Variants in TRAPPC9 observed in about 807,000 individuals in gnomAD.
TRAPPC9 encodes IKK2 binding protein.
TRAPPC9 carries 83 observed loss-of-function variants against 124.0 expected under a neutral mutation model. The ratio of observed to expected loss-of-function variants is 0.67; its 90% CI spans 0.56 to 0.80. The LOEUF (loss-of-function observed/expected upper bound fraction) is 0.80. Ranked by LOEUF, TRAPPC9 falls within the 30% of genes least tolerant of loss-of-function variation. TRAPPC9 has a pLI of 0.00. For synonymous variants in TRAPPC9, 638 were observed against 617.5 expected, an observed-to-expected ratio of 1.03 and a Z score of -0.49; for missense variants, 1,302 against 1,508.3, an observed-to-expected ratio of 0.86 and a Z score of 2.27.
chr8:140,163,663 G>A (rs2061786638), intron 17 of TRAPPC9, among the ~76,000 whole-genome samples: 1 of 152,282 alleles, frequency 6.6e-6, no homozygotes, highest in African/African-American at 2.4e-5. Flanking sequence ...AGTTCAGCCT[G>A]ACTATACCTT....
intron 21 of TRAPPC9, among the ~76,000 whole-genome samples, chr8:139,856,897 C>G (rs1298967292): frequency 2.6e-5 from 4 of 152,158 alleles, no homozygotes; most frequent in African/African-American, 4.8e-5. Context: ...CAAGTATTCT[C>G]TAAGCTGCTG....
intron 17 of TRAPPC9, among the ~76,000 whole-genome samples, chr8:140,151,610 C>A (rs1230572717): frequency 6.6e-6 from 1 of 152,170 alleles, no homozygotes; most frequent in East Asian, 1.9e-4. Context: ...ACCCTAGTAA[C>A]CTCATTTTAC....
intron 9 of TRAPPC9, among the ~76,000 whole-genome samples, chr8:140,345,147 C>T (rs1023645061): frequency 2.0e-5 from 3 of 152,210 alleles, no homozygotes; most frequent in African/African-American, 7.2e-5. Context: ...TTCCTGAAGC[C>T]CCAGGGCCAG....
chr8:140,002,606 TAA>T (rs1243663680), intron 18 of TRAPPC9, among the ~76,000 whole-genome samples: 1 of 152,002 alleles, frequency 6.6e-6, no homozygotes, highest in Admixed American at 6.6e-5. Flanking sequence ...AACATAGTAG[TAA>T]AGACTTATTC....
intron 19 of TRAPPC9, among the ~76,000 whole-genome samples, chr8:139,947,924 CGAGAGAGAGA>C: frequency 1.2e-5 from 1 of 83,488 alleles, no homozygotes; most frequent in African/African-American, 5.1e-5. Context: ...AGAGAGAGAG[CGAGAGAGAGA>C]GAGAGAGAGA....
intron 3 of TRAPPC9, among the ~76,000 whole-genome samples, chr8:140,438,623 G>C (rs1423115278): frequency 6.6e-6 from 1 of 152,162 alleles, no homozygotes; most frequent in Non-Finnish European, 1.5e-5. Context: ...GCACAGGCTG[G>C]CTGCTTTTCC....
intron 21 of TRAPPC9, among the ~76,000 whole-genome samples, chr8:139,811,626 T>G (rs1309628697): frequency 2.0e-5 from 3 of 152,226 alleles, no homozygotes; most frequent in Non-Finnish European, 4.4e-5. Flanking sequence ...GGCAGGGGAC[T>G]TCTCAATAGG....
At chr8:140,374,198 G>A (rs2068367413) in intron 7 of TRAPPC9, among the ~76,000 whole-genome samples, 1 of 152,238 alleles carries the variant, frequency 6.6e-6, no homozygotes, top group South Asian at 2.1e-4. Flanking sequence ...TTCCAGGAGT[G>A]TGCAGTACAG....
intron 17 of TRAPPC9, among the ~76,000 whole-genome samples, chr8:140,115,977 T>C (rs7462130): frequency 0.58 from 87,393 of 151,976 alleles, 25,944 homozygotes; most frequent in East Asian, 0.84. Flanking sequence ...AAAGACTGCA[T>C]AGAAGGCAGT....
intron 19 of TRAPPC9, among the ~76,000 whole-genome samples, chr8:139,977,763 C>G (rs1836583963): frequency 6.6e-6 from 1 of 151,854 alleles, no homozygotes; most frequent in South Asian, 2.1e-4. Flanking sequence ...TCACTGTAGC[C>G]TCCGTCTCCT....
At chr8:140,069,275 T>C (rs1053523145) in intron 17 of TRAPPC9, among the ~76,000 whole-genome samples, 1 of 152,174 alleles carries the variant, frequency 6.6e-6, no homozygotes, top group Admixed American at 6.5e-5. Context: ...GATCTGAAGG[T>C]TGGCTCAAAG....
intron 17 of TRAPPC9, among the ~76,000 whole-genome samples, chr8:140,208,487 G>A (rs1327598527): frequency 6.6e-6 from 1 of 152,226 alleles, no homozygotes; most frequent in Non-Finnish European, 1.5e-5. Flanking sequence ...GCAAGCTGTG[G>A]CATAACCAGC....
chr8:140,290,249 C>T (rs950953577), intron 12 of TRAPPC9, among the ~76,000 whole-genome samples: 3 of 152,198 alleles, frequency 2.0e-5, no homozygotes, highest in African/African-American at 7.2e-5. Context: ...ACCCTGAACA[C>T]CAGTCATAAA....
intron 21 of TRAPPC9, among the ~76,000 whole-genome samples, chr8:139,804,628 C>T (rs1230468275): frequency 1.5e-5 from 2 of 130,898 alleles, no homozygotes; most frequent in African/African-American, 3.0e-5. Context: ...CACCCACCAC[C>T]GCCACCAAGC....
At chr8:139,736,355 G>A (rs1049317272) in intron 21 of TRAPPC9, among the ~76,000 whole-genome samples, 2 of 152,166 alleles carry the variant, frequency 1.3e-5, no homozygotes, top group African/African-American at 4.8e-5. Context: ...ACATTACCCC[G>A]AGGCCTGGCA....
chr8:140,081,636 C>T (rs1419617048), intron 17 of TRAPPC9, among the ~76,000 whole-genome samples: 6 of 152,144 alleles, frequency 3.9e-5, no homozygotes, highest in Admixed American at 2.0e-4. Context: ...GTGAGCACTG[C>T]GCCCGGCCAA....
intron 16 of TRAPPC9, among the ~76,000 whole-genome samples, chr8:140,222,864 T>C (rs1040701546): frequency 6.6e-6 from 1 of 152,118 alleles, no homozygotes; most frequent in Admixed American, 6.5e-5. Context: ...CAGAGGCAAC[T>C]TGTGCAAGAA....
intron 17 of TRAPPC9, among the ~76,000 whole-genome samples, chr8:140,217,934 T>C (rs978741360): frequency 2.4e-4 from 37 of 152,064 alleles, no homozygotes; most frequent in Non-Finnish European, 1.9e-4. Context: ...CAAGAATCAC[T>C]TGAACCCAGG....
intron 17 of TRAPPC9, among the ~76,000 whole-genome samples, chr8:140,205,428 G>C (rs1339121195): frequency 1.3e-5 from 2 of 152,204 alleles, no homozygotes; most frequent in South Asian, 2.1e-4. Flanking sequence ...TTTACAAAGA[G>C]AGTGCTATGT....
Sources: allele counts gnomAD v4.1 joint callset (sites outside exome capture counted in the v4.1 genomes callset), GRCh38; gene constraint gnomAD v4.1.1; transcripts MANE v1.5; gene names NCBI Gene and HGNC (gene_info 2026-07-23, HGNC 2026-07-21).